Variants in IMMP2L observed in about 807,000 individuals in gnomAD.
The protein encoded by IMMP2L is inner mitochondrial membrane peptidase subunit 2, also known as mitochondrial inner membrane protease subunit 2.
In IMMP2L, 18 loss-of-function variants were observed where a neutral mutation model predicts 19.3. The ratio of observed to expected loss-of-function variants is 0.93; its 90% confidence interval spans 0.64 to 1.38. The LOEUF (loss-of-function observed/expected upper bound fraction) is 1.38. Among genes scored for constraint, IMMP2L ranks in the 40% most tolerant of loss-of-function variants. IMMP2L has a pLI of 0.00. For missense variants in IMMP2L, 233 were observed against 218.2 expected (o/e 1.07, Z -0.43); for synonymous variants, 76 against 73.0 (o/e 1.04, Z -0.21).
At chr7:111,202,765 G>A (rs983453128) in intron 3 of IMMP2L, among the ~76,000 whole-genome samples, 2 of 152,132 alleles carry the variant, frequency 1.3e-5, no homozygotes, top group African/African-American at 4.8e-5. Context: ...CTATCTAGTT[G>A]ACCCAATAAT....
intron 5 of IMMP2L, among the ~76,000 whole-genome samples, chr7:110,721,039 T>C (rs958767125): frequency 2.7e-5 from 4 of 148,610 alleles, no homozygotes; most frequent in African/African-American, 5.0e-5. Flanking sequence ...AAATAGTATA[T>C]GCCTGTTATA....
chr7:111,192,914 AAT>A (rs1254314627), intron 3 of IMMP2L, among the ~76,000 whole-genome samples: 1 of 152,144 alleles, frequency 6.6e-6, no homozygotes, highest in Non-Finnish European at 1.5e-5. Context: ...AATGATGGCT[AAT>A]CACATAGATT....
chr7:111,332,564 A>G (rs375040448), intron 3 of IMMP2L, among the ~76,000 whole-genome samples: 23 of 152,108 alleles, frequency 1.5e-4, no homozygotes, highest in African/African-American at 5.5e-4. Context: ...AAGTCCCAAA[A>G]AGAACACTAA....
At chr7:111,387,975 TAAA>T (rs750267136) in intron 3 of IMMP2L, among the ~76,000 whole-genome samples, 1 of 93,422 alleles carries the variant, frequency 1.1e-5, no homozygotes, top group Non-Finnish European at 2.0e-5. Context: ...ACTCTGTCTT[TAAA>T]AAAAAAAAAA....
chr7:111,353,798 T>G (rs920162307), intron 3 of IMMP2L, among the ~76,000 whole-genome samples: 1 of 152,184 alleles, frequency 6.6e-6, no homozygotes, highest in South Asian at 2.1e-4. Flanking sequence ...ACTATCTTTA[T>G]ACATTTTTAT....
intron 3 of IMMP2L, among the ~76,000 whole-genome samples, chr7:111,481,701 T>TAGAA (rs932863270): frequency 1.3e-5 from 2 of 152,146 alleles, no homozygotes; most frequent in Non-Finnish European, 2.9e-5. Context: ...TACCTATCTT[T>TAGAA]AGAAGTCTAC....
At chr7:111,447,181 C>T (rs1477484245) in intron 3 of IMMP2L, among the ~76,000 whole-genome samples, 2 of 147,668 alleles carry the variant, frequency 1.4e-5, no homozygotes, top group Non-Finnish European at 3.0e-5. Context: ...GGCAGGCCGA[C>T]GTTCAGATTC....
intron 3 of IMMP2L, among the ~76,000 whole-genome samples, chr7:111,216,093 T>C (rs768906417): frequency 6.6e-6 from 1 of 152,178 alleles, no homozygotes; most frequent in Non-Finnish European, 1.5e-5. Context: ...AAAATTCCAA[T>C]TTGCCTTTGG....
At chr7:110,677,806 A>T (rs1792424613) in intron 5 of IMMP2L, among the ~76,000 whole-genome samples, 1 of 152,124 alleles carries the variant, frequency 6.6e-6, no homozygotes, top group South Asian at 2.1e-4. Flanking sequence ...AAAAATGGAT[A>T]GATAGGTTAG....
intron 3 of IMMP2L, among the ~76,000 whole-genome samples, chr7:111,198,206 C>T (rs1447179795): frequency 6.6e-6 from 1 of 152,006 alleles, no homozygotes; most frequent in Non-Finnish European, 1.5e-5. Flanking sequence ...GAAAAAAATG[C>T]TCTCTCTAGT....
At chr7:110,854,211 A>T (rs1806521329) in intron 5 of IMMP2L, among the ~76,000 whole-genome samples, 1 of 151,914 alleles carries the variant, frequency 6.6e-6, no homozygotes, top group Non-Finnish European at 1.5e-5. Flanking sequence ...CTACTTTTCC[A>T]CTTAACATAT....
intron 3 of IMMP2L, among the ~76,000 whole-genome samples, chr7:111,204,599 A>G (rs1810501053): frequency 6.6e-6 from 1 of 152,170 alleles, no homozygotes; most frequent in African/African-American, 2.4e-5. Flanking sequence ...GATTTTGAAT[A>G]AAAATAAATT....
At chr7:111,465,996 T>C (rs1250309676) in intron 3 of IMMP2L, among the ~76,000 whole-genome samples, 2 of 152,048 alleles carry the variant, frequency 1.3e-5, no homozygotes, top group Non-Finnish European at 2.9e-5. Context: ...TATGCAGCCA[T>C]AAAAATGATG....
intron 3 of IMMP2L, among the ~76,000 whole-genome samples, chr7:111,129,743 G>C (rs1801669807): frequency 6.6e-6 from 1 of 152,066 alleles, no homozygotes. Context: ...TGAAAAGTAA[G>C]GACTTGAGTG....
intron 2 of IMMP2L, among the ~76,000 whole-genome samples, chr7:111,498,746 G>A (rs939831304): frequency 6.6e-6 from 1 of 151,952 alleles, no homozygotes; most frequent in African/African-American, 2.4e-5. Context: ...AGATCCTTTA[G>A]TTCTTCATTG....
intron 3 of IMMP2L, among the ~76,000 whole-genome samples, chr7:111,450,105 G>T (rs976893113): frequency 3.3e-5 from 5 of 151,920 alleles, no homozygotes; most frequent in Non-Finnish European, 7.4e-5. Flanking sequence ...TGGGTAGGAA[G>T]AATCAATATT....
At chr7:110,672,123 G>A (rs935245527) in intron 5 of IMMP2L, among the ~76,000 whole-genome samples, 2 of 152,130 alleles carry the variant, frequency 1.3e-5, no homozygotes, top group Middle Eastern at 3.4e-3. Flanking sequence ...ATTTATAAAA[G>A]AAAGAGGTTT....
intron 3 of IMMP2L, among the ~76,000 whole-genome samples, chr7:111,349,113 C>G (rs1464052145): frequency 6.6e-6 from 1 of 152,046 alleles, no homozygotes; most frequent in African/African-American, 2.4e-5. Context: ...AAAATGATTT[C>G]AGAGCTCAAA....
intron 5 of IMMP2L, among the ~76,000 whole-genome samples, chr7:110,782,200 C>T (rs891223154): frequency 6.6e-6 from 1 of 151,868 alleles, no homozygotes; most frequent in Non-Finnish European, 1.5e-5. Flanking sequence ...GAGATATCCA[C>T]TAGGCTTATA....
Sources: allele counts gnomAD v4.1 joint callset (sites outside exome capture counted in the v4.1 genomes callset), GRCh38; gene constraint gnomAD v4.1.1; transcripts MANE v1.5; gene names NCBI Gene and HGNC (gene_info 2026-07-23, HGNC 2026-07-21).